The following SORCS3 variants were observed in gnomAD, a reference collection of about 807,000 sequenced individuals.
SORCS3 encodes the protein VPS10 domain-containing receptor SorCS3.
Under a neutral mutation model 146.3 loss-of-function variants are expected in SORCS3, and 57 were observed. The observed-to-expected ratio is 0.39, with a 90% CI of 0.31 to 0.49. The LOEUF is 0.49. Ranked by LOEUF, SORCS3 falls within the 20% of genes least tolerant of loss-of-function variation. The pLI is 0.92. For missense variants in SORCS3, 1,341 were observed against 1,575.5 expected (o/e 0.85, Z 2.52); for synonymous variants, 653 against 618.5 (o/e 1.06, Z -0.83).
chr10:104,884,934 AT>A (rs2018667646), intron 2 of SORCS3, among the ~76,000 whole-genome samples: 1 of 143,296 alleles, frequency 7.0e-6, no homozygotes, highest in African/African-American at 2.5e-5. Context: ...CATCTCTTTC[AT>A]TTTTTGCTTC....
chr10:104,746,020 T>G (rs980813667), intron 1 of SORCS3, among the ~76,000 whole-genome samples: 1 of 152,178 alleles, frequency 6.6e-6, no homozygotes, highest in Non-Finnish European at 1.5e-5. Context: ...AAAGGATAAG[T>G]ACATACTTAT....
chr10:105,209,359 T>C (rs2056621419), intron 16 of SORCS3, among the ~76,000 whole-genome samples: 1 of 152,054 alleles, frequency 6.6e-6, no homozygotes, highest in Non-Finnish European at 1.5e-5. Flanking sequence ...GCCAGGCTGG[T>C]CTCAAACTCC....
intron 4 of SORCS3, among the ~76,000 whole-genome samples, chr10:105,012,752 G>A (rs955107717): frequency 1.6e-4 from 24 of 152,160 alleles, no homozygotes; most frequent in African/African-American, 5.5e-4. Flanking sequence ...TAGATGCCTA[G>A]TGGACACTAT....
chr10:105,161,423 G>T (rs1346575632), intron 11 of SORCS3, among the ~76,000 whole-genome samples: 1 of 152,040 alleles, frequency 6.6e-6, no homozygotes, highest in Admixed American at 6.6e-5. Context: ...TGCCCTTCAG[G>T]TGTCAGTCAC....
chr10:105,068,025 C>T lies in SORCS3; in HGVS notation c.1029-21750C>T, dbSNP rs553223551. On this transcript the variant is annotated intron_variant, in intron 5 of 26. Coordinates refer to ENST00000369701, the MANE Select transcript of SORCS3 (RefSeq NM_014978.3). ...AAAGATTACCAAACCCTATCTCACA[C>T]CCTACTCTCTCCAGAATTTCAGACA... Among the ~76,000 whole-genome samples, 21 of 152,142 alleles carry T rather than the reference C, an allele frequency of 1.4e-4. No individual in the cohort carries two copies. The South Asian group carries it at 4.4e-3, about 32-fold the overall frequency.
At chr10:105,181,481 C>T (rs1397147056) in intron 14 of SORCS3, among the ~76,000 whole-genome samples, 1 of 152,094 alleles carries the variant, frequency 6.6e-6, no homozygotes, top group African/African-American at 2.4e-5. Context: ...TTCTGATTTC[C>T]TCCACCTTTC....
intron 3 of SORCS3, among the ~76,000 whole-genome samples, chr10:104,955,137 C>G (rs558020063): frequency 1.6e-4 from 25 of 151,566 alleles, no homozygotes; most frequent in Non-Finnish European, 3.1e-4. Flanking sequence ...TTTATCACCC[C>G]CAAAAGAAGC....
At chr10:104,801,069 CAT>C (rs1204482100) in intron 1 of SORCS3, among the ~76,000 whole-genome samples, 4 of 152,190 alleles carry the variant, frequency 2.6e-5, no homozygotes, top group African/African-American at 9.7e-5. Context: ...CTTTTTCTAG[CAT>C]AGACAGGCAG....
chr10:104,862,600 T>A (rs1380174542), intron 2 of SORCS3, among the ~76,000 whole-genome samples: 2 of 152,204 alleles, frequency 1.3e-5, no homozygotes, highest in East Asian at 3.8e-4. Flanking sequence ...GTTAATCTGT[T>A]GGGGACTTGT....
intron 3 of SORCS3, among the ~76,000 whole-genome samples, chr10:104,937,764 G>T (rs979734741): frequency 6.6e-6 from 1 of 152,200 alleles, no homozygotes; most frequent in Non-Finnish European, 1.5e-5. Context: ...GCTTGTTGAA[G>T]GTCACTCAGC....
chr10:104,851,472 T>C (rs1213609328), intron 2 of SORCS3, among the ~76,000 whole-genome samples: 1 of 152,238 alleles, frequency 6.6e-6, no homozygotes, highest in African/African-American at 2.4e-5. Flanking sequence ...TCTCTCTCAT[T>C]TTCTCAGCAG....
intron 4 of SORCS3, among the ~76,000 whole-genome samples, chr10:104,990,420 C>A (rs2054986329): frequency 6.6e-6 from 1 of 151,922 alleles, no homozygotes; most frequent in Non-Finnish European, 1.5e-5. Flanking sequence ...TGGCTTGGGG[C>A]CTGCTCCTGG....
chr10:104,953,097 T>C (rs1369816591), intron 3 of SORCS3, among the ~76,000 whole-genome samples: 1 of 152,198 alleles, frequency 6.6e-6, no homozygotes, highest in African/African-American at 2.4e-5. Context: ...CAGTGGGGAA[T>C]CAAAGATTAT....
intron 1 of SORCS3, among the ~76,000 whole-genome samples, chr10:104,770,480 A>G (rs1411184166): frequency 6.6e-6 from 1 of 152,136 alleles, no homozygotes; most frequent in Non-Finnish European, 1.5e-5. Flanking sequence ...TGATAGAAGT[A>G]CAATGAGTCA....
intron 4 of SORCS3, among the ~76,000 whole-genome samples, chr10:105,029,765 A>G (rs1340814283): frequency 6.6e-6 from 1 of 152,186 alleles, no homozygotes; most frequent in Non-Finnish European, 1.5e-5. Context: ...GTCATCCCCC[A>G]TTTGATATAG....
intron 1 of SORCS3, among the ~76,000 whole-genome samples, chr10:104,809,970 G>A (rs969946242): frequency 2.0e-5 from 3 of 152,194 alleles, no homozygotes; most frequent in African/African-American, 7.2e-5. Context: ...CCCTGGGATA[G>A]GGGCTGCTTC....
At chr10:104,718,187 A>G (rs183455924) in intron 1 of SORCS3, among the ~76,000 whole-genome samples, 3 of 152,228 alleles carry the variant, frequency 2.0e-5, no homozygotes, top group African/African-American at 7.2e-5. Flanking sequence ...AATAAATAAG[A>G]GAAAGAAGTG....
At chr10:104,706,201 C>CTTTTTTTTTTTT (rs1162969172) in intron 1 of SORCS3, among the ~76,000 whole-genome samples, 41 of 85,874 alleles carry the variant, frequency 4.8e-4, no homozygotes, top group African/African-American at 5.5e-4. Flanking sequence ...TTTTCTTCTT[C>CTTTTTTTTTTTT]TTTTTTTTTT....
At chr10:105,147,159 C>A (rs1417653344) in intron 8 of SORCS3, among the ~76,000 whole-genome samples, 1 of 152,092 alleles carries the variant, frequency 6.6e-6, no homozygotes, top group Non-Finnish European at 1.5e-5. Flanking sequence ...TACCTCCATG[C>A]CACATTTCTG....
Sources: allele counts gnomAD v4.1 joint callset (sites outside exome capture counted in the v4.1 genomes callset), GRCh38; gene constraint gnomAD v4.1.1; transcripts MANE v1.5; gene names NCBI Gene and HGNC (gene_info 2026-07-23, HGNC 2026-07-21).